Variants in TTC7A observed in about 807,000 individuals in gnomAD.
TTC7A encodes tetratricopeptide repeat domain 7A.
Under a neutral mutation model 103.7 loss-of-function variants are expected in TTC7A, and 110 were observed. That is an observed-to-expected ratio of 1.06 (90% confidence interval 0.91 to 1.24). TTC7A has a LOEUF of 1.24. Ranked by LOEUF, TTC7A falls within the 50% of genes most tolerant of loss-of-function variation. TTC7A has a pLI of 0.00. For missense variants in TTC7A, 1,340 were observed against 1,116.3 expected (o/e 1.20, Z -2.86); for synonymous variants, 521 against 467.9 (o/e 1.11, Z -1.47).
intron 15 of TTC7A, among the ~76,000 whole-genome samples, chr2:47,039,116 A>C (rs1237679776): frequency 2.0e-5 from 3 of 152,056 alleles, no homozygotes; most frequent in Non-Finnish European, 2.9e-5. Context: ...TGCCTTGCAA[A>C]TGAATAGGCA....
At chr2:46,947,904 A>G (rs1381915783) in intron 1 of TTC7A, among the ~76,000 whole-genome samples, 1 of 152,180 alleles carries the variant, frequency 6.6e-6, no homozygotes, top group Non-Finnish European at 1.5e-5. Context: ...TCTCCTTGGT[A>G]TTGGATCACA....
chr2:46,998,704 C>A (rs1297672430), intron 8 of TTC7A, among the ~76,000 whole-genome samples: 1 of 152,214 alleles, frequency 6.6e-6, no homozygotes, highest in Non-Finnish European at 1.5e-5. Context: ...ATTGCTTCCA[C>A]CTCCAGGACA....
intron 19 of TTC7A, chr2:47,065,968 T>G (rs1684148430): frequency 6.6e-6 from 1 of 152,160 alleles, no homozygotes; most frequent in Non-Finnish European, 1.5e-5. Flanking sequence ...TCCTCATGCT[T>G]TCTTCTTGGT....
chr2:47,009,784 A>T (rs1190411567), intron 10 of TTC7A, among the ~76,000 whole-genome samples: 1 of 151,810 alleles, frequency 6.6e-6, no homozygotes, highest in Non-Finnish European at 1.5e-5. Context: ...ACACACAGGT[A>T]CCTGTAAACC....
At chr2:46,974,517 AAGTC>A in intron 3 of TTC7A, 1 of 373,982 alleles carries the variant, frequency 2.7e-6, no homozygotes. Context: ...TGGAGCTTCT[AAGTC>A]AGCACATGGA....
chr2:47,047,649 C>T (rs1261543457), intron 16 of TTC7A, among the ~76,000 whole-genome samples: 1 of 152,228 alleles, frequency 6.6e-6, no homozygotes, highest in African/African-American at 2.4e-5. Context: ...TCTGTTCCTG[C>T]ATCCTTATCT....
At chr2:46,923,895 G>T (rs1178859992) in intron 2 of TTC7A, among the ~76,000 whole-genome samples, 1 of 152,016 alleles carries the variant, frequency 6.6e-6, no homozygotes, top group East Asian at 1.9e-4. Context: ...ACCACGCCCA[G>T]CTAATTTTCT....
Position 46,996,825 on chromosome 2 carries a change from G to T in TTC7A, c.1065+1626G>T, listed in dbSNP as rs1232220653. ...AAAATGGGCCCTTACTCTGACCACA[G>T]ACTGAATCCTAGTTTTGAAATATGG... On this transcript the variant is annotated intron_variant, in intron 8 of 19. Transcript: ENST00000319190. Among the ~76,000 whole-genome samples the T allele has an allele frequency of 2.0e-5, 3 of 152,184 alleles. No homozygotes were observed. In the East Asian group the frequency reaches 5.8e-4, roughly 29 times the overall value.
rs80125240 is a variant in TTC7A, at chr2:47,049,081, C to G, written c.1920-868C>G. On this transcript the variant is annotated intron_variant, in intron 16 of 19. Transcript: ENST00000319190. ...CTGAGTTACGATGGCAAGGACACCC[C>G]TGGTATTCATTGTGGGATCATCATC... Among the ~76,000 whole-genome samples, 627 of 152,278 alleles carry G rather than the reference C, an allele frequency of 4.1e-3. 6 individuals carry two copies. Among genetic ancestry groups the G allele is most frequent in the African/African-American group, 0.014 (590 of 41,554 alleles).
intron 2 of TTC7A, among the ~76,000 whole-genome samples, chr2:46,923,154 G>GT (rs1344605452): frequency 6.6e-6 from 1 of 152,158 alleles, no homozygotes; most frequent in Non-Finnish European, 1.5e-5. Context: ...GCCTCCATGT[G>GT]TTCAGCTCTC....
chr2:47,026,138 T>A (rs1439665306), intron 14 of TTC7A, among the ~76,000 whole-genome samples: 1 of 152,116 alleles, frequency 6.6e-6, no homozygotes, highest in African/African-American at 2.4e-5. Flanking sequence ...ACTCGAGAAC[T>A]CCCTGAATGG....
chr2:46,973,003 C>T (rs1403330738), intron 3 of TTC7A, among the ~76,000 whole-genome samples: 1 of 152,120 alleles, frequency 6.6e-6, no homozygotes, highest in Non-Finnish European at 1.5e-5. Context: ...TCACTGTGGC[C>T]CAGATGGTAT....
intron 2 of TTC7A, among the ~76,000 whole-genome samples, chr2:46,930,122 G>C (rs911908587): frequency 5.3e-5 from 8 of 152,102 alleles, no homozygotes; most frequent in South Asian, 2.1e-4. Context: ...TTTAAGTACA[G>C]AAGAAACTTG....
chr2:47,023,167 C>T (rs932105888), intron 12 of TTC7A, among the ~76,000 whole-genome samples: 3 of 152,162 alleles, frequency 2.0e-5, no homozygotes, highest in African/African-American at 7.2e-5. Flanking sequence ...TAGGCATTGG[C>T]CTTTGAAAGG....
At chr2:46,927,409 T>G (rs1369091207) in intron 2 of TTC7A, among the ~76,000 whole-genome samples, 1 of 147,962 alleles carries the variant, frequency 6.8e-6, no homozygotes, top group Admixed American at 6.9e-5. Flanking sequence ...CAGGCTGGAG[T>G]GCAGTGGCGT....
chr2:47,061,024 C>T, intron 19 of TTC7A, 53 bp downstream of exon 19: 1 of 1,505,680 alleles, frequency 6.6e-7, no homozygotes, highest in Non-Finnish European at 9.0e-7. Context: ...CCTCAGGGCC[C>T]TTATCCCGCT....
chr2:46,983,540 C>T (rs1039902111), intron 5 of TTC7A, among the ~76,000 whole-genome samples: 1 of 152,192 alleles, frequency 6.6e-6, no homozygotes, highest in Non-Finnish European at 1.5e-5. Flanking sequence ...CTCAGCTGTG[C>T]CTGCAGAGCT....
chr2:46,992,832 T>C (rs1675768572), intron 5 of TTC7A, among the ~76,000 whole-genome samples: 2 of 152,172 alleles, frequency 1.3e-5, no homozygotes, highest in South Asian at 4.1e-4. Context: ...AGATGGGTAT[T>C]TTGTCGAGAA....
chr2:47,071,588 G>A (rs1684720602), intron 19 of TTC7A, among the ~76,000 whole-genome samples: 1 of 152,210 alleles, frequency 6.6e-6, no homozygotes, highest in African/African-American at 2.4e-5. Flanking sequence ...CCACAGCTCA[G>A]AGAAAGTTGG....
Sources: allele counts gnomAD v4.1 joint callset (sites outside exome capture counted in the v4.1 genomes callset), GRCh38; gene constraint gnomAD v4.1.1; transcripts MANE v1.5; gene names NCBI Gene and HGNC (gene_info 2026-07-23, HGNC 2026-07-21).